USH2A: variants seen among roughly 807,000 people sequenced by gnomAD.
USH2A encodes Usher syndrome 2A (autosomal recessive, mild).
Under a neutral mutation model 538.9 loss-of-function variants are expected in USH2A, and 443 were observed. The ratio of observed to expected loss-of-function variants is 0.82; its 90% CI spans 0.76 to 0.89. USH2A has a LOEUF of 0.89. Among genes scored for constraint, USH2A ranks in the 40% least tolerant of loss-of-function variants. The probability of loss-of-function intolerance (pLI) is 0.00; values close to 1 mark genes in which losing one functional copy is unlikely to be tolerated. For synonymous variants in USH2A, 2,413 were observed against 2,273.5 expected, an observed-to-expected ratio of 1.06 and a Z score of -1.75; for missense variants, 6,633 against 6,324.8, an observed-to-expected ratio of 1.05 and a Z score of -1.65.
intron 32 of USH2A, among the ~76,000 whole-genome samples, chr1:216,016,875 C>T (rs944625030): frequency 3.4e-3 from 26 of 7,658 alleles, no homozygotes; most frequent in African/African-American, 0.012. Flanking sequence ...GTAGTGGGGG[C>T]GGGGGTGGGA....
chr1:215,629,399 G>A (rs768048162), intron 70 of USH2A, among the ~76,000 whole-genome samples: 1 of 152,114 alleles, frequency 6.6e-6, no homozygotes, highest in Non-Finnish European at 1.5e-5. Flanking sequence ...GGTGAACAAG[G>A]TATCTTCTTC....
At chr1:216,094,355 T>G (rs1417731583) in intron 22 of USH2A, among the ~76,000 whole-genome samples, 1 of 152,192 alleles carries the variant, frequency 6.6e-6, no homozygotes, top group Non-Finnish European at 1.5e-5. Context: ...GTATAATCTA[T>G]TCCCTTATTC....
intron 58 of USH2A, among the ~76,000 whole-genome samples, chr1:215,748,498 TAAAG>T (rs1237025766): frequency 6.6e-6 from 1 of 152,216 alleles, no homozygotes; most frequent in Non-Finnish European, 1.5e-5. Context: ...AGCAAGACCT[TAAAG>T]AAACTGCAAG....
chr1:215,710,731 T>C (rs1384821869), intron 61 of USH2A, among the ~76,000 whole-genome samples: 1 of 152,142 alleles, frequency 6.6e-6, no homozygotes, highest in Non-Finnish European at 1.5e-5. Flanking sequence ...GACATTCAAG[T>C]GTGTACTCAA....
chr1:215,912,453 GTA>G (rs780000613), intron 38 of USH2A, among the ~76,000 whole-genome samples: 1,112 of 42,734 alleles, frequency 0.026, 9 homozygotes, highest in African/African-American at 0.062. Context: ...GTAGGTATGT[GTA>G]TATATATATA....
chr1:215,724,999 G>A (rs779917758), intron 61 of USH2A, among the ~76,000 whole-genome samples: 4 of 152,004 alleles, frequency 2.6e-5, no homozygotes, highest in Non-Finnish European at 4.4e-5. Flanking sequence ...CTTCTGTGAC[G>A]GTGAGGAGTA....
In USH2A at chr1:215,675,596, G is replaced by A. The variant is rs755072275; in HGVS notation, c.12315C>T (p.Asp4105=). The part of the protein sequence containing the change: ...GVIKTYNIFS[D]GFLEYSGLNR... ...TCAAACCAGAGTACTCCAGGAACCC[G>A]TCACTGAAGATGTTGTATGTCTACA... Residue 4105 remains aspartate (D), a synonymous_variant, in exon 63 of 72, where the codon GAC becomes GAT. Coordinates refer to ENST00000307340, the MANE Select transcript of USH2A (RefSeq NM_206933.4). 1.3e-4 allele frequency: 204 copies of A among 1,613,956 alleles called. 3 individuals are homozygous for A. Among genetic ancestry groups the A allele is most frequent in the East Asian group, 6.7e-5 (3 of 44,882 alleles).
At chr1:215,836,791 T>C (rs1020521539) in intron 47 of USH2A, among the ~76,000 whole-genome samples, 7 of 149,584 alleles carry the variant, frequency 4.7e-5, no homozygotes, top group Non-Finnish European at 1.0e-4. Context: ...CTCCTGAGCT[T>C]GTGATCCGCC....
intron 61 of USH2A, among the ~76,000 whole-genome samples, chr1:215,681,994 T>C (rs1658245766): frequency 6.6e-6 from 1 of 152,202 alleles, no homozygotes; most frequent in Admixed American, 6.5e-5. Flanking sequence ...TTTAAAAACT[T>C]ATTTCTCCAT....
chr1:215,917,941 T>C (rs1430743226), intron 38 of USH2A, among the ~76,000 whole-genome samples: 2 of 151,952 alleles, frequency 1.3e-5, no homozygotes, highest in South Asian at 2.1e-4. Context: ...CTAGCCAGGG[T>C]GTCAAAGTGA....
chr1:215,916,408 G>C lies in USH2A; in HGVS notation c.7301-15503C>G, dbSNP rs192292618. ...TAGTGACAAAATAAAATATTTTAAA[G>C]TACATTAGCAAATACAACCTGAAGG... On this transcript the variant is annotated intron_variant, in intron 38 of 71. Transcript: ENST00000307340. Among the ~76,000 whole-genome samples, 124 of 152,024 alleles carry C rather than the reference G, an allele frequency of 8.2e-4. 4 individuals carry two copies. The highest frequency in any genetic ancestry group is 7.1e-3 in the Admixed American group (108 of 15,256).
intron 49 of USH2A, among the ~76,000 whole-genome samples, chr1:215,811,602 T>G (rs1662685253): frequency 9.2e-6 from 1 of 108,834 alleles, no homozygotes; most frequent in African/African-American, 3.3e-5. Flanking sequence ...CCTACTGCAC[T>G]ATCCTAAAAA....
In USH2A at chr1:216,250,904, AAT is replaced by A; in HGVS notation, c.2164_2165del (p.Ile722TrpfsTer3). The A allele has an allele frequency of 6.2e-7, 1 of 1,613,986 alleles. No homozygotes were observed. Among genetic ancestry groups the A allele is most frequent in the South Asian group, 1.1e-5 (1 of 91,058 alleles). ...SGQCKCKANV[I>X]GLRCDHCNFG... ...TGTAAACTTTTGCGTTACACGTACCAATAACGTTTGCTTTGCACTTGCACTGG... is the reference window on the plus strand; with the variant it reads ...TGTAAACTTTTGCGTTACACGTACCAAACGTTTGCTTTGCACTTGCACTGG... On this transcript the variant is annotated frameshift_variant and splice_region_variant, in exon 12 of 72. Coordinates refer to ENST00000307340, the MANE Select transcript of USH2A (RefSeq NM_206933.4). LOFTEE classifies it high-confidence loss of function.
chr1:216,329,832 G>A (rs527555588), intron 4 of USH2A, among the ~76,000 whole-genome samples: 48 of 152,110 alleles, frequency 3.2e-4, no homozygotes, highest in African/African-American at 1.1e-3. Context: ...ACTTTTGCAT[G>A]GCAGCCGTGG....
rs536246934 is a variant in USH2A at position 216,403,691 on chromosome 1, A to G, written c.651+14823T>C. 5.1e-4 allele frequency among the ~76,000 whole-genome samples: 77 copies of G among 152,286 alleles called. No homozygotes were observed. The South Asian group carries it at 9.1e-3, about 18-fold the overall frequency. Reference sequence around the variant, plus strand: ...TTACAATCACCAAAAAGAAAATGAAACACTTTATGGGTAAGCTCAACAAAA... The same window carrying G: ...TTACAATCACCAAAAAGAAAATGAAGCACTTTATGGGTAAGCTCAACAAAA... On this transcript the variant is annotated intron_variant, in intron 3 of 71. Transcript: ENST00000307340.
At chr1:215,658,409 C>T (rs575831949) in intron 64 of USH2A, among the ~76,000 whole-genome samples, 10 of 152,138 alleles carry the variant, frequency 6.6e-5, no homozygotes, top group African/African-American at 1.4e-4. Flanking sequence ...TTTTTCCTCT[C>T]GACAATCCTA....
chr1:215,680,453 A>T, intron 61 of USH2A, 77 bp from the exon 62 acceptor site: 1 of 1,450,218 alleles, frequency 6.9e-7, no homozygotes, highest in Admixed American at 1.7e-5. Flanking sequence ...TCATTCTCTG[A>T]ACCTCATGGC....
intron 50 of USH2A, among the ~76,000 whole-genome samples, chr1:215,791,213 TCA>T (rs532235805): frequency 3.5e-4 from 53 of 152,286 alleles, no homozygotes; most frequent in African/African-American, 1.3e-3. Context: ...ATACTGCATG[TCA>T]CAGTGTTTTT....
chr1:215,782,774 T>C lies in USH2A; in HGVS notation c.10549A>G (p.Ile3517Val). ...WTKIDNLEDT[I>V]VLNWRKPIQS... Reference sequence around the variant, plus strand: ...ATAGGTTTTCTCCAGTTTAAGACAATTGTATCTTCAAGATTGTCTATTTTG... The same window carrying C: ...ATAGGTTTTCTCCAGTTTAAGACAACTGTATCTTCAAGATTGTCTATTTTG... Residue 3517 changes from isoleucine to valine, a missense_variant, in exon 53 of 72, where the codon ATT (isoleucine) becomes GTT (valine). Transcript: ENST00000307340. The C allele has an allele frequency of 6.2e-7, 1 of 1,613,954 alleles. No homozygotes were observed. The highest frequency in any genetic ancestry group is 2.2e-5 in the East Asian group (1 of 44,868).
Sources: allele counts gnomAD v4.1 joint callset (sites outside exome capture counted in the v4.1 genomes callset), GRCh38; gene constraint gnomAD v4.1.1; transcripts MANE v1.5; gene names NCBI Gene and HGNC (gene_info 2026-07-23, HGNC 2026-07-21).